The following SVOP variants were observed in gnomAD, a reference collection of about 807,000 sequenced individuals.
SVOP encodes the protein SV2 related protein, also known as synaptic vesicle 2-related protein.
Under a neutral mutation model 69.1 loss-of-function variants are expected in SVOP, and 17 were observed. The ratio of observed to expected loss-of-function variants is 0.25; its 90% CI spans 0.17 to 0.37. The LOEUF is 0.37. Ranked by LOEUF, SVOP falls within the 10% of genes least tolerant of loss-of-function variation. The pLI is 1.00. For missense variants in SVOP, 435 were observed against 597.5 expected, an observed-to-expected ratio of 0.73 and a Z score of 2.84; for synonymous variants, 238 against 238.6, an observed-to-expected ratio of 1.00 and a Z score of 0.02.
chr12:108,961,164 G>C, intron 5 of SVOP, 117 bp from the exon 6 acceptor site: 7 of 1,292,432 alleles, frequency 5.4e-6, no homozygotes, highest in Non-Finnish European at 6.1e-6. Context: ...ACACAACCAA[G>C]GGGGTACTGG....
At chr12:108,984,210 G>A (rs1167202371) in intron 1 of SVOP, among the ~76,000 whole-genome samples, 13 of 152,118 alleles carry the variant, frequency 8.5e-5, no homozygotes, top group African/African-American at 2.9e-4. Flanking sequence ...TAGAGACAAG[G>A]TTTCACTATG....
Position 108,920,195 on chromosome 12 carries a change from C to T in SVOP, c.1157-409G>A, listed in dbSNP as rs534684971. 4.6e-5 allele frequency among the ~76,000 whole-genome samples: 7 copies of T among 152,326 alleles called. No individual in the cohort carries two copies. The East Asian group carries it at 1.2e-3, about 25-fold the overall frequency. On this transcript the variant is annotated intron_variant, in intron 12 of 15. Transcript: ENST00000610966. The stretch of plus-strand genomic sequence containing the variant: ...CTGAGCTTTCAGATGAGACTACAGA[C>T]CCTGGGCCAATGCCTTGATTGCAGC...
chr12:109,020,641 T>A (rs1484450125), intron 1 of SVOP, among the ~76,000 whole-genome samples, 193 bp downstream of exon 1: 1 of 151,134 alleles, frequency 6.6e-6, no homozygotes, highest in Non-Finnish European at 1.5e-5. Flanking sequence ...TGGAACTGAG[T>A]CAGAGATACA....
At chr12:108,975,407 AAGT>A (rs1194989724) in intron 4 of SVOP, among the ~76,000 whole-genome samples, 2 of 152,224 alleles carry the variant, frequency 1.3e-5, no homozygotes, top group African/African-American at 4.8e-5. Context: ...TACCACAAGA[AAGT>A]AGCCCGAGGC....
intron 6 of SVOP, among the ~76,000 whole-genome samples, chr12:108,952,563 G>A (rs1035966194): frequency 4.5e-4 from 69 of 152,180 alleles, no homozygotes; most frequent in Middle Eastern, 6.8e-3. Context: ...ATAACTATCT[G>A]GCCAGGCACG....
intron 12 of SVOP, among the ~76,000 whole-genome samples, chr12:108,920,438 T>C (rs890675478): frequency 6.6e-6 from 1 of 152,182 alleles, no homozygotes; most frequent in African/African-American, 2.4e-5. Context: ...TAACTTGCCA[T>C]GTGGTCTTGG....
chr12:108,919,525 A>T, intron 13 of SVOP, 150 bp downstream of exon 13: 2 of 609,452 alleles, frequency 3.3e-6, no homozygotes, highest in South Asian at 1.9e-5. Flanking sequence ...ACCTGTACCC[A>T]TATTCACACC....
At chr12:109,010,290 G>A (rs951061215) in intron 1 of SVOP, among the ~76,000 whole-genome samples, 4 of 151,980 alleles carry the variant, frequency 2.6e-5, no homozygotes, top group Admixed American at 1.3e-4. Flanking sequence ...GCACCCCCTC[G>A]TGTCTCAAGG....
At chr12:109,010,259 A>G (rs2040334740) in intron 1 of SVOP, among the ~76,000 whole-genome samples, 1 of 152,142 alleles carries the variant, frequency 6.6e-6, no homozygotes, top group South Asian at 2.1e-4. Flanking sequence ...AGAGCTGAAA[A>G]TGCCCTCAAA....
chr12:108,936,635 C>T (rs1259831067), intron 10 of SVOP, among the ~76,000 whole-genome samples: 8 of 151,954 alleles, frequency 5.3e-5, no homozygotes, highest in Admixed American at 5.2e-4. Context: ...GCCTCCACAC[C>T]CAGCTAATTT....
At chr12:108,959,181 C>A (rs1019174321) in intron 6 of SVOP, among the ~76,000 whole-genome samples, 2 of 152,000 alleles carry the variant, frequency 1.3e-5, no homozygotes, top group African/African-American at 4.8e-5. Context: ...CCTAATGATT[C>A]CTTACCTCCA....
At chr12:108,974,790 A>G (rs1241987900) in intron 4 of SVOP, among the ~76,000 whole-genome samples, 1 of 152,232 alleles carries the variant, frequency 6.6e-6, no homozygotes, top group Non-Finnish European at 1.5e-5. Context: ...ACCAGTTCCA[A>G]GAAAAAAGCA....
chr12:108,928,304 T>C (rs916568852), intron 11 of SVOP, among the ~76,000 whole-genome samples: 9 of 151,962 alleles, frequency 5.9e-5, no homozygotes, highest in Non-Finnish European at 1.3e-4. Context: ...CTCTGTCTAG[T>C]TTTGACAAGA....
intron 1 of SVOP, 81 bp downstream of exon 1, chr12:109,020,753 T>TG: frequency 6.3e-6 from 2 of 317,720 alleles, no homozygotes; most frequent in Non-Finnish European, 1.2e-5. Context: ...TGCAGAGATG[T>TG]ACCCCCCCCC....
chr12:109,009,377 AC>A (rs1293933062), intron 1 of SVOP, among the ~76,000 whole-genome samples: 1 of 152,146 alleles, frequency 6.6e-6, no homozygotes, highest in African/African-American at 2.4e-5. Context: ...TACCAAAGGT[AC>A]CCTGAGCATT....
intron 6 of SVOP, among the ~76,000 whole-genome samples, chr12:108,957,040 A>G (rs1566056848): frequency 6.6e-6 from 1 of 152,186 alleles, no homozygotes; most frequent in East Asian, 1.9e-4. Context: ...CTTCACTGTC[A>G]TCAGTCTCAG....
chr12:108,932,361 G>C (rs2039826109), intron 11 of SVOP, among the ~76,000 whole-genome samples: 1 of 151,794 alleles, frequency 6.6e-6, no homozygotes, highest in South Asian at 2.1e-4. Flanking sequence ...ATACTATTAG[G>C]CCCAGGAGAT....
intron 3 of SVOP, 105 bp downstream of exon 3, chr12:108,978,473 C>T: frequency 1.7e-6 from 1 of 596,856 alleles, no homozygotes; most frequent in Non-Finnish European, 3.0e-6. Flanking sequence ...CAAGCAAAGG[C>T]TCCATGTGCA....
intron 9 of SVOP, 141 bp downstream of exon 9, chr12:108,938,686 G>T: frequency 7.3e-7 from 1 of 1,371,010 alleles, no homozygotes; most frequent in Non-Finnish European, 1.0e-6. Context: ...GCCCTCATCT[G>T]CTCCATGTGC....
Sources: allele counts gnomAD v4.1 joint callset (sites outside exome capture counted in the v4.1 genomes callset), GRCh38; gene constraint gnomAD v4.1.1; transcripts MANE v1.5; gene names NCBI Gene and HGNC (gene_info 2026-07-23, HGNC 2026-07-21).